Variants in MAP1LC3C observed in about 807,000 individuals in gnomAD.
The protein encoded by MAP1LC3C is microtubule-associated protein 1 light chain 3 gamma.
A neutral mutation model predicts 10.4 loss-of-function variants in MAP1LC3C; 12 were observed. The ratio of observed to expected loss-of-function variants is 1.15; its 90% CI spans 0.74 to 1.86. The LOEUF is 1.86. Among genes scored for constraint, MAP1LC3C ranks in the 40% most tolerant of loss-of-function variants. The probability of loss-of-function intolerance (pLI) is 0.00; values close to 1 mark genes in which losing one functional copy is unlikely to be tolerated. For missense variants in MAP1LC3C, 177 were observed against 185.7 expected (o/e 0.95, Z 0.27); for synonymous variants, 70 against 69.0 (o/e 1.01, Z -0.07).
At chr1:241,999,886 G>A (rs148571623), upstream of MAP1LC3C, among the ~76,000 whole-genome samples, 13 of 152,290 alleles carry the variant, frequency 8.5e-5, no homozygotes, top group Non-Finnish European at 1.5e-4. Context: ...AGTATATTCT[G>A]TCACTTAGTT....
In MAP1LC3C at chr1:241,998,557, C is replaced by G. The variant is rs1328927016; in HGVS notation, c.178G>C (p.Val60Leu). The G allele has an allele frequency of 1.2e-6, 2 of 1,613,694 alleles. No individual in the cohort carries two copies. Among genetic ancestry groups the G allele is most frequent in the Non-Finnish European group, 1.7e-6 (2 of 1,179,962 alleles). The change falls in exon 3 of 4, where the codon GTC (valine) becomes CTC (leucine). Residue 60 changes from valine (V) to leucine (L), a missense_variant. By Grantham distance (32) the Val-to-Leu change is conservative. Transcript: ENST00000357246. The stretch of plus-strand genomic sequence containing the variant: ...TGGGTCATGGTCAGCTCCTGCGGGA[C>G]CAGGAACTTGGTTTTGTCCAGCGGG... Reference protein sequence around the residue: ...LPPLDKTKFLVPQELTMTQFL... With the variant: ...LPPLDKTKFLLPQELTMTQFL...
At chr1:241,999,325 A>G (rs1242129607), upstream of MAP1LC3C, among the ~76,000 whole-genome samples, 1 of 152,236 alleles carries the variant, frequency 6.6e-6, no homozygotes, top group Non-Finnish European at 1.5e-5. Flanking sequence ...TTGGCTGGGC[A>G]GCGGACTGTG....
chr1:242,000,430 T>C (rs183423654), upstream of MAP1LC3C, among the ~76,000 whole-genome samples: 2 of 152,264 alleles, frequency 1.3e-5, no homozygotes, highest in Non-Finnish European at 2.9e-5. Flanking sequence ...GGTTTCGCCA[T>C]GTTGGCTAGG....
upstream of MAP1LC3C, among the ~76,000 whole-genome samples, chr1:242,000,360 C>T (rs1328748729): frequency 6.6e-6 from 1 of 152,178 alleles, no homozygotes; most frequent in African/African-American, 2.4e-5. Context: ...TCCCGAGTAG[C>T]TGGGATTACA....
chr1:242,001,237 A>G (rs1665189410), upstream of MAP1LC3C, among the ~76,000 whole-genome samples: 1 of 152,098 alleles, frequency 6.6e-6, no homozygotes, highest in Admixed American at 6.6e-5. Flanking sequence ...AGATTGTGCC[A>G]CTGCACTCCA....
chr1:242,000,724 C>T (rs146676112), upstream of MAP1LC3C, among the ~76,000 whole-genome samples: 1 of 152,290 alleles, frequency 6.6e-6, no homozygotes, highest in Non-Finnish European at 1.5e-5. Context: ...GCATACCACC[C>T]TCCAGGAACC....
Position 241,996,122 on chromosome 1 carries a change from T to A in MAP1LC3C, c.*41A>T, listed in dbSNP as rs757525909. ...AGAAAACCAATCCCTTCTGCCAGCA[T>A]CTGACACGTCTGTCAGAGCACACAT... On this transcript the variant is annotated 3_prime_UTR_variant, in exon 4 of 4. Coordinates refer to ENST00000357246, the MANE Select transcript of MAP1LC3C (RefSeq NM_001004343.3). The A allele has an allele frequency of 6.4e-7, 1 of 1,567,378 alleles. No homozygotes were observed. Among genetic ancestry groups the A allele is most frequent in the Non-Finnish European group, 8.7e-7 (1 of 1,146,068 alleles).
At chr1:241,996,836 A>G (rs1665093557) in intron 3 of MAP1LC3C, among the ~76,000 whole-genome samples, 1 of 128,270 alleles carries the variant, frequency 7.8e-6, no homozygotes, top group Non-Finnish European at 1.6e-5. Context: ...CAGGAGAACC[A>G]GGAGGCGGAG....
intron 3 of MAP1LC3C, among the ~76,000 whole-genome samples, chr1:241,997,733 G>A (rs1361281988): frequency 6.6e-6 from 1 of 152,136 alleles, no homozygotes. Flanking sequence ...CTTAACCAAG[G>A]GAGGAGTGTG....
At chr1:241,996,909 CAA>C (rs71174887) in intron 3 of MAP1LC3C, among the ~76,000 whole-genome samples, 5 of 42,762 alleles carry the variant, frequency 1.2e-4, no homozygotes, top group African/African-American at 4.4e-4. Context: ...GACTGCGTCT[CAA>C]AAAAAAAAAA....
At position 241,998,579 on chromosome 1, in the gene MAP1LC3C, CG is replaced by C. The variant is rs762632974; in HGVS notation, c.155del (p.Pro52ArgfsTer13). On this transcript the variant is annotated frameshift_variant, in exon 3 of 4. Coordinates refer to ENST00000357246, the MANE Select transcript of MAP1LC3C (RefSeq NM_001004343.3). LOFTEE classifies it high-confidence loss of function. ...ERYPRETFLP[P>X]LDKTKFLVPQ... Reference sequence around the variant, plus strand: ...GGACCAGGAACTTGGTTTTGTCCAGCGGGGGCAGGAACGTCTCCCTGGGGTA... The same window carrying C: ...GGACCAGGAACTTGGTTTTGTCCAGCGGGGCAGGAACGTCTCCCTGGGGTA... 8 of 1,612,934 alleles carry C rather than the reference CG, an allele frequency of 5.0e-6. No individual in the cohort carries two copies. The highest frequency in any genetic ancestry group is 5.1e-6 in the Non-Finnish European group (6 of 1,179,706).
chr1:241,997,854 C>A (rs1033261943), intron 3 of MAP1LC3C, among the ~76,000 whole-genome samples: 1 of 151,990 alleles, frequency 6.6e-6, no homozygotes, highest in Non-Finnish European at 1.5e-5. Context: ...GTCTCTGCAA[C>A]GGACGCGCAG....
At chr1:242,000,175 G>A (rs1029550798), upstream of MAP1LC3C, among the ~76,000 whole-genome samples, 2 of 152,178 alleles carry the variant, frequency 1.3e-5, no homozygotes, top group African/African-American at 4.8e-5. Flanking sequence ...AGATCGGGCT[G>A]AGGGCTCTGT....
chr1:242,000,203 C>A (rs113774064), upstream of MAP1LC3C, among the ~76,000 whole-genome samples: 2 of 152,186 alleles, frequency 1.3e-5, no homozygotes, highest in Non-Finnish European at 2.9e-5. Context: ...GACTGTCCCC[C>A]ACTTTCAATG....
chr1:241,997,984 T>C (rs1336990571), intron 3 of MAP1LC3C, among the ~76,000 whole-genome samples: 2 of 151,924 alleles, frequency 1.3e-5, no homozygotes, highest in South Asian at 2.1e-4. Context: ...TGTCGTTGTC[T>C]GAGGGATTCT....
chr1:241,996,288 C>G lies in MAP1LC3C; in HGVS notation c.319G>C (p.Asp107His). 1 of 1,614,158 alleles carries G rather than the reference C, an allele frequency of 6.2e-7. No individual in the cohort carries two copies. The highest frequency in any genetic ancestry group is 8.5e-7 in the Non-Finnish European group (1 of 1,180,032). The change falls in exon 4 of 4, where the codon GAC becomes CAC. Residue 107 changes from aspartate to histidine, a missense_variant. Physicochemically the swap from Asp to His is moderately conservative, Grantham distance 81. Transcript: ENST00000357246. Reference sequence around the variant, plus strand: ...ACGAAGCCATCCTCATCCTTGTAGTCTCTGTAGATCTCTGCCATGGTTGCG... The same window carrying G: ...ACGAAGCCATCCTCATCCTTGTAGTGTCTGTAGATCTCTGCCATGGTTGCG... ...MSATMAEIYR[D>H]YKDEDGFVYM...
At position 241,996,096 on chromosome 1, in the gene MAP1LC3C, G is replaced by A. The variant is rs1290331401; in HGVS notation, c.*67C>T. On this transcript the variant is annotated 3_prime_UTR_variant, in exon 4 of 4. Transcript: ENST00000357246. Reference sequence around the variant, plus strand: ...TCAGACTCCTCCACTGTATACACAGGAGAAAACCAATCCCTTCTGCCAGCA... The same window carrying A: ...TCAGACTCCTCCACTGTATACACAGAAGAAAACCAATCCCTTCTGCCAGCA... The A allele has an allele frequency of 6.9e-7, 1 of 1,452,842 alleles. No individual in the cohort carries two copies. The highest frequency in any genetic ancestry group is 9.4e-7 in the Non-Finnish European group (1 of 1,061,004). 90.0% of individuals were successfully genotyped at this position (1,452,842 alleles called of 1,614,324 possible).
rs201253672 is a variant in MAP1LC3C at position 241,996,362 on chromosome 1, G to A, written c.245C>T (p.Thr82Met). The A allele has an allele frequency of 2.1e-5, 34 of 1,613,936 alleles. 1 individual carries two copies. Among genetic ancestry groups the A allele is most frequent in the South Asian group, 1.2e-4 (11 of 91,092 alleles). ...IIRSRMVLRA[T>M]EAFYLLVNNK... is the part of the protein sequence containing the mutation. The stretch of plus-strand genomic sequence containing the variant: ...GTTCACCAGCAAGTAAAAGGCTTCC[G>A]TGGCTCTCAGGACCATGCGGCTCCT... The change falls in exon 4 of 4, where the codon ACG becomes ATG. Residue 82 changes from threonine to methionine, a missense_variant. Coordinates refer to ENST00000357246, the MANE Select transcript of MAP1LC3C (RefSeq NM_001004343.3).
chr1:242,000,849 T>C (rs1665183112), upstream of MAP1LC3C, among the ~76,000 whole-genome samples: 1 of 152,130 alleles, frequency 6.6e-6, no homozygotes, highest in South Asian at 2.1e-4. Context: ...TTTCAACCCC[T>C]CTACCCTCCC....
Sources: gnomAD v4.1 joint callset for allele counts (sites outside exome capture counted in the v4.1 genomes callset) on GRCh38, gnomAD v4.1.1 for gene constraint, MANE v1.5 for transcripts, NCBI Gene and HGNC (gene_info 2026-07-23, HGNC 2026-07-21) for gene names.